The following REV3L variants were observed in gnomAD, a reference collection of about 807,000 sequenced individuals.
The protein encoded by REV3L is REV3 like, DNA directed polymerase zeta catalytic subunit, also known as DNA polymerase zeta catalytic subunit.
In REV3L, 69 loss-of-function variants were observed where a neutral mutation model predicts 299.4. The observed-to-expected ratio is 0.23, with a 90% CI of 0.19 to 0.28. The LOEUF (loss-of-function observed/expected upper bound fraction) is 0.28, where lower values mean the gene tolerates loss of function less well. REV3L is among the 10% of genes least tolerant of loss of function. REV3L has a pLI of 1.00. For missense variants in REV3L, 3,128 were observed against 3,693.8 expected (o/e 0.85, Z 3.97); for synonymous variants, 1,238 against 1,271.4 (o/e 0.97, Z 0.56).
intron 13 of REV3L, among the ~76,000 whole-genome samples, chr6:111,371,242 T>A (rs1309439198): frequency 6.6e-6 from 1 of 152,184 alleles, no homozygotes. Flanking sequence ...ATTACCCAAT[T>A]TAGCTTTCAT....
intron 27 of REV3L, 135 bp downstream of exon 27, chr6:111,315,132 G>A: frequency 1.4e-6 from 1 of 690,706 alleles, no homozygotes; most frequent in Non-Finnish European, 2.4e-6. Context: ...TTACAGACAT[G>A]AGCCAGTGAC....
At chr6:111,450,136 G>A (rs1242481983) in intron 1 of REV3L, among the ~76,000 whole-genome samples, 2 of 152,170 alleles carry the variant, frequency 1.3e-5, no homozygotes, top group East Asian at 1.9e-4. Context: ...TGAAGACAAA[G>A]CCATAGAAAC....
At chr6:111,429,482 A>G (rs1221736429) in intron 1 of REV3L, among the ~76,000 whole-genome samples, 1 of 152,260 alleles carries the variant, frequency 6.6e-6, no homozygotes, top group African/African-American at 2.4e-5. Context: ...TTAAGTACAC[A>G]AACAAACCAG....
At chr6:111,302,237 C>A (rs990805726) in intron 31 of REV3L, among the ~76,000 whole-genome samples, 4 of 152,176 alleles carry the variant, frequency 2.6e-5, no homozygotes, top group Non-Finnish European at 5.9e-5. Context: ...TATGATGAAG[C>A]CTTTGCTAAT....
At chr6:111,343,433 G>C (rs1207724502) in intron 21 of REV3L, among the ~76,000 whole-genome samples, 1 of 152,180 alleles carries the variant, frequency 6.6e-6, no homozygotes, top group Non-Finnish European at 1.5e-5. Context: ...CTGTAGAAGG[G>C]AATCTTCTGG....
chr6:111,436,002 G>A (rs1445736649), intron 1 of REV3L, among the ~76,000 whole-genome samples: 1 of 152,122 alleles, frequency 6.6e-6, no homozygotes, highest in Non-Finnish European at 1.5e-5. Flanking sequence ...CAAAAGGTCT[G>A]AATAGATATT....
intron 25 of REV3L, among the ~76,000 whole-genome samples, 196 bp downstream of exon 25, chr6:111,329,336 C>A (rs1775152554): frequency 6.6e-6 from 1 of 151,402 alleles, no homozygotes; most frequent in Non-Finnish European, 1.5e-5. Flanking sequence ...AGCCACCATG[C>A]CTGGCCTTTT....
chr6:111,329,657 C>A lies in REV3L; in HGVS notation c.8116G>T (p.Ala2706Ser). The A allele has an allele frequency of 1.2e-6, 2 of 1,614,048 alleles. No homozygotes were observed. Among genetic ancestry groups the A allele is most frequent in the Non-Finnish European group, 1.7e-6 (2 of 1,180,030 alleles). ...TRFMVKQSMKAYKQDRALSRM... is the reference protein window; with the variant it reads ...TRFMVKQSMKSYKQDRALSRM... ...GACAGGGCTCTGTCTTGCTTGTAAG[C>A]CTTCATTGACTGCTTCACCATAAAT... is the stretch of plus-strand genomic sequence containing the variant. Residue 2706 changes from alanine to serine, a missense_variant, in exon 25 of 32, where the codon GCT (alanine) becomes TCT (serine). By Grantham distance (99) the Ala-to-Ser change is moderately conservative. Around this residue, in one of 9 missense-constraint regions of REV3L, gnomAD observed 53 missense variants for 57.4 expected, o/e 0.92. Coordinates refer to ENST00000368802, the MANE Select transcript of REV3L (RefSeq NM_001372078.1).
At chr6:111,370,592 C>T (rs980759530) in intron 13 of REV3L, among the ~76,000 whole-genome samples, 14 of 151,898 alleles carry the variant, frequency 9.2e-5, no homozygotes, top group African/African-American at 3.4e-4. Flanking sequence ...TTAACATATC[C>T]ATCATTTCAC....
At chr6:111,450,078 T>A (rs969030055) in intron 1 of REV3L, among the ~76,000 whole-genome samples, 1 of 151,896 alleles carries the variant, frequency 6.6e-6, no homozygotes, top group African/African-American at 2.4e-5. Context: ...AAAATATGAG[T>A]AGAACTAAGA....
chr6:111,338,312 C>CTTTTTTTTTTTTTTTTTTTTTTTT, intron 21 of REV3L, among the ~76,000 whole-genome samples: 1 of 47,942 alleles, frequency 2.1e-5, no homozygotes, highest in Non-Finnish European at 3.4e-5. Context: ...GTCTAAAGTC[C>CTTTTTTTTTTTTTTTTTTTTTTTT]TTTTTTTTTT....
intron 13 of REV3L, among the ~76,000 whole-genome samples, chr6:111,372,267 T>A (rs1034287003): frequency 2.6e-5 from 4 of 152,224 alleles, no homozygotes; most frequent in African/African-American, 9.6e-5. Flanking sequence ...ATTTAAACAA[T>A]GATCATTGTA....
chr6:111,322,086 T>C (rs578017329), intron 26 of REV3L, among the ~76,000 whole-genome samples: 1 of 152,270 alleles, frequency 6.6e-6, no homozygotes, highest in Admixed American at 6.5e-5. Flanking sequence ...TGGAATCAAA[T>C]GGAAAACTGT....
chr6:111,420,314 T>C (rs1381854323), intron 1 of REV3L, among the ~76,000 whole-genome samples: 2 of 152,212 alleles, frequency 1.3e-5, no homozygotes, highest in Admixed American at 6.5e-5. Context: ...CACCATGAAA[T>C]GATTAAGTCG....
chr6:111,473,092 C>A (rs1562368016), intron 1 of REV3L, among the ~76,000 whole-genome samples: 3 of 152,102 alleles, frequency 2.0e-5, no homozygotes, highest in African/African-American at 7.2e-5. Context: ...GAGTGACATA[C>A]CTCATACCAT....
At chr6:111,319,459 C>T (rs1475456270) in intron 26 of REV3L, among the ~76,000 whole-genome samples, 2 of 150,544 alleles carry the variant, frequency 1.3e-5, no homozygotes, top group Admixed American at 6.6e-5. Context: ...GAGCGAGATT[C>T]TGTCTCAGGA....
At chr6:111,367,057 T>C in intron 14 of REV3L, 58 bp downstream of exon 14, 3 of 1,351,922 alleles carry the variant, frequency 2.2e-6, no homozygotes, top group Non-Finnish European at 3.0e-6. Context: ...TCTAATGTTA[T>C]CTTCATTTCT....
Position 111,372,930 on chromosome 6 carries a change from G to T in REV3L, c.5425C>A (p.Gln1809Lys). Residue 1809 changes from glutamine to lysine, a missense_variant, in exon 13 of 32, where the codon CAG becomes AAG. Transcript: ENST00000368802. ...GAGGTATTGGCTGAGTCAAGAGACTGTCCCATTTCTTTTCTGGTGTGACCT... is the reference window on the plus strand; with the variant it reads ...GAGGTATTGGCTGAGTCAAGAGACTTTCCCATTTCTTTTCTGGTGTGACCT... ...IQGHTRKEMG[Q>K]SLDSANTSFT... is the part of the protein sequence containing the mutation. 2 of 1,614,072 alleles carry T rather than the reference G, an allele frequency of 1.2e-6. No homozygotes were observed. The highest frequency in any genetic ancestry group is 1.7e-6 in the Non-Finnish European group (2 of 1,179,992).
chr6:111,359,063 T>TACTTCTTTGA, intron 16 of REV3L, 49 bp from the exon 17 acceptor site: 1 of 1,496,156 alleles, frequency 6.7e-7, no homozygotes, highest in Non-Finnish European at 9.1e-7. Flanking sequence ...TTTAAAGACA[T>TACTTCTTTGA]GCTCAAAGAA....
Sources: allele counts gnomAD v4.1 joint callset (sites outside exome capture counted in the v4.1 genomes callset), GRCh38; gene constraint gnomAD v4.1.1; regional missense constraint gnomAD v4.1.1; transcripts MANE v1.5; gene names NCBI Gene and HGNC (gene_info 2026-07-23, HGNC 2026-07-21).